The following JAK2 variants were observed in gnomAD, a reference collection of about 807,000 sequenced individuals.
The protein encoded by JAK2 is Janus kinase 2, also known as tyrosine-protein kinase JAK2.
JAK2 carries 86 observed loss-of-function variants against 139.3 expected under a neutral mutation model. That is an observed-to-expected ratio of 0.62 (90% CI 0.52 to 0.74). The LOEUF is 0.74. JAK2 is among the 30% of genes least tolerant of loss of function. The pLI, the probability that JAK2 is intolerant of heterozygous loss-of-function variation, is 0.00. For synonymous variants in JAK2, 490 were observed against 437.7 expected, an observed-to-expected ratio of 1.12 and a Z score of -1.49; for missense variants, 1,421 against 1,360.3, an observed-to-expected ratio of 1.04 and a Z score of -0.70.
intron 3 of JAK2, among the ~76,000 whole-genome samples, chr9:5,029,342 A>G (rs1010334671): frequency 6.6e-6 from 1 of 152,202 alleles, no homozygotes. Flanking sequence ...AGCGGCCCCA[A>G]ATGATTACAA....
chr9:5,049,465 A>C (rs572207663), intron 5 of JAK2, among the ~76,000 whole-genome samples: 1 of 152,162 alleles, frequency 6.6e-6, no homozygotes, highest in Admixed American at 6.5e-5. Context: ...TCCATCATAC[A>C]TTTCTTTATT....
At chr9:5,029,733 A>G (rs767311663) in intron 3 of JAK2, 50 bp from the exon 4 acceptor site, 5 of 1,485,566 alleles carry the variant, frequency 3.4e-6, no homozygotes, top group South Asian at 1.3e-5. Flanking sequence ...GCTATGTAAA[A>G]ATATTCTGTT....
At chr9:5,041,762 C>T (rs1415405227) in intron 4 of JAK2, 2 of 489,086 alleles carry the variant, frequency 4.1e-6, no homozygotes, top group Admixed American at 2.3e-5. Context: ...GTGTCCACAC[C>T]GACCTGCCCT....
intron 2 of JAK2, among the ~76,000 whole-genome samples, chr9:4,999,109 G>C (rs2129814843): frequency 6.6e-6 from 1 of 152,292 alleles, no homozygotes; most frequent in East Asian, 1.9e-4. Context: ...ACAGGCGTGA[G>C]CCACCGCACC....
Position 5,029,847 on chromosome 9 carries a change from A to C in JAK2, c.291A>C (p.Pro97=), listed in dbSNP as rs771864517. 1 of 1,612,078 alleles carries C rather than the reference A, an allele frequency of 6.2e-7. No individual in the cohort carries two copies. The highest frequency in any genetic ancestry group is 1.7e-5 in the Admixed American group (1 of 59,970). Residue 97 remains proline (P), a synonymous_variant, in exon 4 of 25, where the codon CCA becomes CCC. Coordinates refer to ENST00000381652, the MANE Select transcript of JAK2 (RefSeq NM_004972.4). ...GTGAAACAGAAAGGATCTGGTATCC[A>C]CCCAACCATGTCTTCCATATAGATG... ...LMSETERIWY[P]PNHVFHIDES...
intron 22 of JAK2, among the ~76,000 whole-genome samples, 165 bp from the exon 23 acceptor site, chr9:5,122,839 A>C (rs557882962): frequency 7.0e-6 from 1 of 143,210 alleles, no homozygotes; most frequent in African/African-American, 2.6e-5. Context: ...CTAAGTTCAC[A>C]GGTGCCAGGC....
chr9:5,086,165 C>G (rs1254857778), intron 19 of JAK2: 2 of 374,938 alleles, frequency 5.3e-6, no homozygotes, highest in Non-Finnish European at 8.1e-6. Context: ...GAGCGGTCTC[C>G]ACGCCGCCGG....
At chr9:5,059,383 T>G (rs1206271106) in intron 8 of JAK2, among the ~76,000 whole-genome samples, 1 of 152,222 alleles carries the variant, frequency 6.6e-6, no homozygotes, top group East Asian at 1.9e-4. Flanking sequence ...TTTATGTTGT[T>G]ACATGTGTCA....
intron 3 of JAK2, among the ~76,000 whole-genome samples, chr9:5,028,144 A>C (rs941163457): frequency 2.6e-5 from 4 of 152,224 alleles, no homozygotes; most frequent in African/African-American, 9.6e-5. Context: ...TTTCCCAAAT[A>C]ATAAGATTTG....
At position 5,022,204 on chromosome 9, in the gene JAK2, A is replaced by G. The variant is rs551194689; in HGVS notation, c.217A>G (p.Lys73Glu). ...AGAAGAAATCTGTATTGCTGCTTCT[A>G]AAGCTTGTGGTAAGTATTAAAAAAC... is the stretch of plus-strand genomic sequence containing the variant. ...VAEEICIAASKACGITPVYHN... is the reference protein window; with the variant it reads ...VAEEICIAASEACGITPVYHN... Residue 73 changes from lysine to glutamate, a missense_variant, in exon 3 of 25, where the codon AAA (lysine) becomes GAA (glutamate). Transcript: ENST00000381652. The G allele has an allele frequency of 5.6e-6, 9 of 1,612,728 alleles. No homozygotes were observed. The highest frequency in any genetic ancestry group is 2.2e-5 in the East Asian group (1 of 44,874).
intron 22 of JAK2, among the ~76,000 whole-genome samples, chr9:5,122,046 G>A (rs1199928556): frequency 6.6e-6 from 1 of 152,162 alleles, no homozygotes; most frequent in Non-Finnish European, 1.5e-5. Flanking sequence ...TAATTACGTA[G>A]TATGGACTGC....
intron 3 of JAK2, among the ~76,000 whole-genome samples, chr9:5,029,231 C>T (rs556567593): frequency 6.6e-6 from 1 of 152,100 alleles, no homozygotes; most frequent in South Asian, 2.1e-4. Context: ...ATAGAGAGGC[C>T]TAAGGAGAGG....
chr9:5,041,288 GGT>G (rs1816487226), intron 4 of JAK2: 2 of 994,006 alleles, frequency 2.0e-6, no homozygotes, highest in East Asian at 4.9e-5. Flanking sequence ...GGGGTACACT[GGT>G]CTCAGGACCA....
At position 5,044,390 on chromosome 9, in the gene JAK2, T is replaced by C. The variant is rs200008036; in HGVS notation, c.351-13T>C. 181 of 1,549,598 alleles carry C rather than the reference T, an allele frequency of 1.2e-4. 2 individuals carry two copies. In the East Asian group the frequency reaches 3.9e-3, roughly 33 times the overall value. ...TATTTGGAAGCTGACCAAATGTTTT[T>C]ATTATCTTGTAGATTTTACTTTCCT... On this transcript the variant is annotated splice_polypyrimidine_tract_variant and intron_variant, in intron 4 of 24. Transcript: ENST00000381652.
At chr9:5,096,546 C>T (rs1337650618) in intron 22 of JAK2, 2 of 152,100 alleles carry the variant, frequency 1.3e-5, no homozygotes, top group Non-Finnish European at 2.9e-5. Context: ...TGAAGCTGCT[C>T]CTTTGAATTT....
rs76927912 is a variant in JAK2 at position 5,077,985 on chromosome 9, C to T, written c.1993-321C>T. Among the ~76,000 whole-genome samples the T allele has an allele frequency of 3.9e-5, 6 of 152,292 alleles. No individual in the cohort carries two copies. The East Asian group carries it at 1.2e-3, about 29-fold the overall frequency. ...CAGACCCCTCAGGGTGCACCTATGT[C>T]CTGCTGCAGAACTGAAGTAGTATTT... On this transcript the variant is annotated intron_variant, in intron 15 of 24. Coordinates refer to ENST00000381652, the MANE Select transcript of JAK2 (RefSeq NM_004972.4).
chr9:5,128,548 T>A lies in JAK2; in HGVS notation c.*1757T>A, dbSNP rs1468711338. 6.6e-6 allele frequency among the ~76,000 whole-genome samples: 1 copy of A among 151,934 alleles called. No individual in the cohort carries two copies. The highest frequency in any genetic ancestry group is 1.5e-5 in the Non-Finnish European group (1 of 67,784). ...TAACTACATACTTAAAAGTAGGTTCTTATCAAGGGTCTCTAACATTGCTTT... is the reference window on the plus strand; with the variant it reads ...TAACTACATACTTAAAAGTAGGTTCATATCAAGGGTCTCTAACATTGCTTT... On this transcript the variant is annotated 3_prime_UTR_variant, in exon 25 of 25. Coordinates refer to ENST00000381652, the MANE Select transcript of JAK2 (RefSeq NM_004972.4).
chr9:5,085,568 T>C, intron 19 of JAK2: 1 of 691,280 alleles, frequency 1.4e-6, no homozygotes, highest in East Asian at 2.6e-5. Flanking sequence ...ACAGCTGTAT[T>C]TCCAGTTTGT....
intron 3 of JAK2, among the ~76,000 whole-genome samples, chr9:5,022,712 G>A (rs1822508188): frequency 6.6e-6 from 1 of 152,072 alleles, no homozygotes; most frequent in Admixed American, 6.5e-5. Flanking sequence ...CTTGAGACCT[G>A]ATTATATTAT....
Sources: allele counts gnomAD v4.1 joint callset (sites outside exome capture counted in the v4.1 genomes callset), GRCh38; gene constraint gnomAD v4.1.1; transcripts MANE v1.5; gene names NCBI Gene and HGNC (gene_info 2026-07-23, HGNC 2026-07-21).